Variants in ERN1 observed in about 807,000 individuals in gnomAD.
ERN1 encodes the protein endoplasmic reticulum to nucleus signaling 1.
Under a neutral mutation model 113.1 loss-of-function variants are expected in ERN1, and 39 were observed. The ratio of observed to expected loss-of-function variants is 0.34; its 90% confidence interval spans 0.27 to 0.45. The LOEUF is 0.45. ERN1 is among the 20% of genes least tolerant of loss of function. The probability of loss-of-function intolerance (pLI) is 1.00; values close to 1 mark genes in which losing one functional copy is unlikely to be tolerated. For synonymous variants in ERN1, 507 were observed against 515.9 expected (o/e 0.98, Z 0.23); for missense variants, 976 against 1,274.8 (o/e 0.77, Z 3.57).
Position 64,054,929 on chromosome 17 carries a change from G to A in ERN1, c.1673-101C>T. The A allele has an allele frequency of 3.2e-6, 3 of 945,644 alleles. No homozygotes were observed. Among genetic ancestry groups the A allele is most frequent in the Middle Eastern group, 3.1e-4 (1 of 3,230 alleles). 58.6% of individuals were successfully genotyped at this position (945,644 alleles called of 1,614,324 possible). On this transcript the variant is annotated intron_variant, in intron 13 of 21. Coordinates refer to ENST00000433197, the MANE Select transcript of ERN1 (RefSeq NM_001433.5). The surrounding 1 kb of genome is among the most constrained non-coding windows in gnomAD (Gnocchi z 4.9). ...GCTTCCTGACCTCAGATTAAAAGATGGGATTTAAGAGGCACTGCACCCCAG... is the reference window on the plus strand; with the variant it reads ...GCTTCCTGACCTCAGATTAAAAGATAGGATTTAAGAGGCACTGCACCCCAG...
intron 1 of ERN1, among the ~76,000 whole-genome samples, chr17:64,125,256 G>T (rs1182473044): frequency 6.6e-6 from 1 of 151,850 alleles, no homozygotes; most frequent in Non-Finnish European, 1.5e-5. Context: ...TTTCTACAAT[G>T]AATATGATTA....
chr17:64,052,218 T>C lies in ERN1; in HGVS notation c.2253+562A>G, dbSNP rs953772494. On this transcript the variant is annotated intron_variant, in intron 17 of 21. Transcript: ENST00000433197. ...AATTTTTTTCTTTTAATTTTCTCTA[T>C]GTCTAAAAATTATCAAAATAAGTTG... Among the ~76,000 whole-genome samples the C allele has an allele frequency of 6.6e-5, 10 of 152,192 alleles. No homozygotes were observed. The East Asian group carries it at 1.7e-3, about 26-fold the overall frequency.
At chr17:64,071,893 T>C in intron 6 of ERN1, 88 bp downstream of exon 6, 8 of 1,444,030 alleles carry the variant, frequency 5.5e-6, no homozygotes, top group Non-Finnish European at 7.6e-6. Context: ...AAAGCAGCTC[T>C]GGCCACCTTC....
At chr17:64,071,944 A>T in intron 6 of ERN1, 37 bp downstream of exon 6, 1 of 1,549,716 alleles carries the variant, frequency 6.5e-7, no homozygotes, top group Non-Finnish European at 8.7e-7. Context: ...TCTTCTGGAA[A>T]CAGGCAGGTT....
rs1051154267 is a variant in ERN1, at chr17:64,099,155, A to C, written c.55-914T>G. Among the ~76,000 whole-genome samples, 3 of 152,366 alleles carry C rather than the reference A, an allele frequency of 2.0e-5. No individual in the cohort carries two copies. In the East Asian group the frequency reaches 5.8e-4, roughly 29 times the overall value. ...TAAATAAAGACATATGTTCAGTGAAATAATTATCATTAAAATAACACTTGG... is the reference window on the plus strand; with the variant it reads ...TAAATAAAGACATATGTTCAGTGAACTAATTATCATTAAAATAACACTTGG... On this transcript the variant is annotated intron_variant, in intron 1 of 21. Coordinates refer to ENST00000433197, the MANE Select transcript of ERN1 (RefSeq NM_001433.5).
rs572696074 is a variant in ERN1 at position 64,073,635 on chromosome 17, G to C, written c.356-1532C>G. Among the ~76,000 whole-genome samples, 5 of 152,274 alleles carry C rather than the reference G, an allele frequency of 3.3e-5. No homozygotes were observed. In the South Asian group the frequency reaches 1.0e-3, roughly 32 times the overall value. ...GCCTCCTGAGTAGCTGGGACTACAAGCATGTGCTACCACGCTTGGCTTATT... is the reference window on the plus strand; with the variant it reads ...GCCTCCTGAGTAGCTGGGACTACAACCATGTGCTACCACGCTTGGCTTATT... On this transcript the variant is annotated intron_variant, in intron 5 of 21. Transcript: ENST00000433197.
At chr17:64,057,521 A>G (rs1163674246) in intron 12 of ERN1, among the ~76,000 whole-genome samples, 1 of 152,006 alleles carries the variant, frequency 6.6e-6, no homozygotes, top group Non-Finnish European at 1.5e-5. Context: ...GGCCCCTGCC[A>G]CCATGCCCGG....
intron 7 of ERN1, among the ~76,000 whole-genome samples, chr17:64,067,278 T>C (rs1303994702): frequency 2.0e-5 from 3 of 152,022 alleles, no homozygotes; most frequent in Non-Finnish European, 4.4e-5. Flanking sequence ...TAGCAGTCAC[T>C]TGAAACCCAT....
At chr17:64,052,534 A>G (rs1161491860) in intron 17 of ERN1, among the ~76,000 whole-genome samples, 2 of 14,462 alleles carry the variant, frequency 1.4e-4, no homozygotes, top group Admixed American at 1.3e-3. Flanking sequence ...CCAACCAACC[A>G]AACAAAAAAA....
At chr17:64,057,752 G>A (rs1283225085) in intron 12 of ERN1, 50 bp downstream of exon 12, 1 of 1,537,014 alleles carries the variant, frequency 6.5e-7, no homozygotes, top group Non-Finnish European at 9.0e-7. Flanking sequence ...GCGACAGGCA[G>A]AGAAGCCCCA....
At chr17:64,064,224 C>G in intron 9 of ERN1, 73 bp from the exon 10 acceptor site, 1 of 1,488,184 alleles carries the variant, frequency 6.7e-7, no homozygotes, top group Non-Finnish European at 9.0e-7. Context: ...ATCCCAGCCA[C>G]TGTCCTGAAA....
At chr17:64,129,612 C>T (rs1915178638) in intron 1 of ERN1, 1 of 365,784 alleles carries the variant, frequency 2.7e-6, no homozygotes, top group Admixed American at 4.6e-5. Flanking sequence ...AGGAGGGTCC[C>T]GCAGGTGGGC....
intron 4 of ERN1, 121 bp downstream of exon 4, chr17:64,079,541 A>C: frequency 1.4e-6 from 1 of 696,434 alleles, no homozygotes; most frequent in Non-Finnish European, 2.5e-6. Context: ...CCTGAATCAG[A>C]ATCCCCAGGG....
rs575685659 is a variant in ERN1 at position 64,054,080 on chromosome 17, C to T, written c.1953+170G>A. ...TCAGCCTCCCAAGTAGCTGGGGCTA[C>T]AGGAACACATCGCTAGGCCTGGCTA... On this transcript the variant is annotated intron_variant, in intron 15 of 21. Transcript: ENST00000433197. This position sits in a 1 kb window ranked among gnomAD's most constrained non-coding sequence, Gnocchi z 4.9. The T allele has an allele frequency of 2.6e-3, 1,465 of 567,474 alleles. 10 individuals carry two copies. The highest frequency in any genetic ancestry group is 2.8e-3 in the Non-Finnish European group (926 of 325,290). The allele number at this position is 567,474 out of a possible 1,614,324, so 35.2% of individuals were successfully genotyped here.
At chr17:64,129,059 C>T (rs1008560000) in intron 1 of ERN1, 20 of 151,850 alleles carry the variant, frequency 1.3e-4, no homozygotes, top group African/African-American at 4.4e-4. Flanking sequence ...CTGAACAATA[C>T]ATTTTGTGAA....
chr17:64,098,426 A>G lies in ERN1; in HGVS notation c.55-185T>C, dbSNP rs757155432. 5.2e-6 allele frequency: 4 copies of G among 776,280 alleles called. No individual in the cohort carries two copies. In the Admixed American group the frequency reaches 6.8e-5, roughly 13 times the overall value. 48.1% of individuals were successfully genotyped at this position (776,280 alleles called of 1,614,324 possible). A position where few individuals can be genotyped will look rare whatever the true frequency, so the allele number is the denominator to read the frequency against. On this transcript the variant is annotated intron_variant, in intron 1 of 21. Coordinates refer to ENST00000433197, the MANE Select transcript of ERN1 (RefSeq NM_001433.5). ...CTAGAACCCAGGTCACCTCACTCTA[A>G]GCAGTGATCCTGCCTGCAGACAGGC...
At chr17:64,048,412 G>C (rs1461829389) in intron 18 of ERN1, among the ~76,000 whole-genome samples, 1 of 152,158 alleles carries the variant, frequency 6.6e-6, no homozygotes, top group East Asian at 1.9e-4. Flanking sequence ...ATATGCAAAG[G>C]TATCAATAGC....
At position 64,047,701 on chromosome 17, in the gene ERN1, A is replaced by G. The variant is rs150608822; in HGVS notation, c.2529+157T>C. On this transcript the variant is annotated intron_variant, in intron 19 of 21. Transcript: ENST00000433197. ...GTATATACGGTTAGATCCCAATTAT[A>G]CTTTTATATATGAAGAAAACATTAA... Among the ~76,000 whole-genome samples the G allele has an allele frequency of 7.2e-5, 11 of 152,346 alleles. 1 individual carries two copies. In the East Asian group the frequency reaches 2.1e-3, roughly 29 times the overall value.
At chr17:64,102,922 T>G (rs896235530) in intron 1 of ERN1, 2 of 985,046 alleles carry the variant, frequency 2.0e-6, no homozygotes, top group African/African-American at 3.5e-5. Flanking sequence ...GTGGAATATA[T>G]ACTCCTGGCT....
Sources: allele counts gnomAD v4.1 joint callset (sites outside exome capture counted in the v4.1 genomes callset), GRCh38; gene constraint gnomAD v4.1.1; non-coding constraint Gnocchi (gnomAD v3.1); transcripts MANE v1.5; gene names NCBI Gene and HGNC (gene_info 2026-07-23, HGNC 2026-07-21).